The following FLNC variants were observed in gnomAD, a reference collection of about 807,000 sequenced individuals.
The protein encoded by FLNC is filamin-C.
Under a neutral mutation model 254.3 loss-of-function variants are expected in FLNC, and 91 were observed. That is an observed-to-expected ratio of 0.36 (90% CI 0.30 to 0.43). FLNC has a LOEUF of 0.43. Ranked by LOEUF, FLNC falls within the 20% of genes least tolerant of loss-of-function variation. The probability of loss-of-function intolerance (pLI) is 1.00; values close to 1 mark genes in which losing one functional copy is unlikely to be tolerated. For missense variants in FLNC, 2,853 were observed against 3,802.6 expected (o/e 0.75, Z 6.57); for synonymous variants, 1,430 against 1,577.2 (o/e 0.91, Z 2.21).
At chr7:128,849,607 A>T (rs1383500174) in intron 30 of FLNC, 29 bp downstream of exon 30, 1 of 1,610,048 alleles carries the variant, frequency 6.2e-7, no homozygotes, top group Non-Finnish European at 8.5e-7. Flanking sequence ...GCAAGACTAG[A>T]TGGCTGGGGA....
rs1443356970 is a variant in FLNC at position 128,841,668 on chromosome 7, G to A, written c.2121+101G>A. Reference sequence around the variant, plus strand: ...AGAGGCCTCCCAGCAGGAAATGACAGCATCACAGAAGATCAGGCAGGACTG... The same window carrying A: ...AGAGGCCTCCCAGCAGGAAATGACAACATCACAGAAGATCAGGCAGGACTG... On this transcript the variant is annotated intron_variant, in intron 13 of 47. Transcript: ENST00000325888. This position sits in a 1 kb window ranked among gnomAD's most constrained non-coding sequence, Gnocchi z 4.3. 2.3e-6 allele frequency: 2 copies of A among 862,476 alleles called. No homozygotes were observed. The highest frequency in any genetic ancestry group is 3.3e-5 in the African/African-American group (2 of 60,508). The allele number at this position is 862,476 out of a possible 1,614,324, so 53.4% of individuals were successfully genotyped here. A position where few individuals can be genotyped will look rare whatever the true frequency, so the allele number is the denominator to read the frequency against.
At chr7:128,833,981 C>T (rs563067762) in intron 1 of FLNC, among the ~76,000 whole-genome samples, 30 of 152,234 alleles carry the variant, frequency 2.0e-4, no homozygotes, top group Middle Eastern at 3.4e-3. Flanking sequence ...GCACCCCTCC[C>T]GGGGCAGGTG....
Position 128,852,868 on chromosome 7 carries a change from G to A in FLNC, c.6045G>A (p.Val2015=). 5 of 1,613,858 alleles carry A rather than the reference G, an allele frequency of 3.1e-6. No individual in the cohort carries two copies. Among genetic ancestry groups the A allele is most frequent in the Middle Eastern group, 1.6e-4 (1 of 6,062 alleles). ...CCAAGGAGGTCGGGGAGCACGTGGT[G>A]AGCGTGCGCAAGAGTGGCAAGCATG... ...FTPKEVGEHV[V]SVRKSGKHVT... is the part of the protein sequence containing the mutation. The change falls in exon 37 of 48, where the codon GTG becomes GTA. Residue 2015 remains valine (V), a synonymous_variant. Transcript: ENST00000325888.
In FLNC at chr7:128,849,195, C is replaced by A; in HGVS notation, c.4942C>A (p.His1648Asn). The A allele has an allele frequency of 6.2e-7, 1 of 1,613,996 alleles. No individual in the cohort carries two copies. The highest frequency in any genetic ancestry group is 2.2e-5 in the East Asian group (1 of 44,880). Residue 1648 changes from histidine (H) to asparagine (N), a missense_variant, in exon 29 of 48, where the codon CAT (histidine) becomes AAT (asparagine). Around this residue, in one of 10 missense-constraint regions of FLNC, gnomAD observed 258 missense variants for 312.3 expected, o/e 0.83. Transcript: ENST00000325888. ...KCLVTVSIGG[H>N]GLGACLGPRI... ...TCTCTTTCCAGTGTCCATTGGAGGC[C>A]ATGGCCTGGGTGAGTGCCCTTTCTC...
chr7:128,844,233 T>C lies in FLNC; in HGVS notation c.3159T>C (p.Ala1053=). Residue 1053 remains alanine, a synonymous_variant, in exon 20 of 48, where the codon GCT becomes GCC. Coordinates refer to ENST00000325888, the MANE Select transcript of FLNC (RefSeq NM_001458.5). ...ACCCGGTGCCTGGCAGCCCGTTTGC[T>C]GTGGAGGGTGTCCTGCCCCCTGATC... ...DGHPVPGSPF[A]VEGVLPPDPS... is the part of the protein sequence containing the mutation. 1 of 1,610,792 alleles carries C rather than the reference T, an allele frequency of 6.2e-7. No individual in the cohort carries two copies. The highest frequency in any genetic ancestry group is 8.5e-7 in the Non-Finnish European group (1 of 1,178,062).
chr7:128,837,950 C>A lies in FLNC; in HGVS notation c.970-37C>A, dbSNP rs775198693. The A allele has an allele frequency of 1.3e-5, 20 of 1,571,166 alleles. No individual in the cohort carries two copies. In the East Asian group the frequency reaches 4.5e-4, roughly 35 times the overall value. On this transcript the variant is annotated intron_variant, in intron 5 of 47. Coordinates refer to ENST00000325888, the MANE Select transcript of FLNC (RefSeq NM_001458.5). Reference sequence around the variant, plus strand: ...CTGTGGGGTCAGGAGGGGCTATGGTCATTGGAGAGGCTTCCAATCTTTTTC... The same window carrying A: ...CTGTGGGGTCAGGAGGGGCTATGGTAATTGGAGAGGCTTCCAATCTTTTTC...
rs540306516 is a variant in FLNC at position 128,830,431 on chromosome 7, C to A, written c.-207C>A. The A allele has an allele frequency of 1.7e-6, 1 of 597,608 alleles. No individual in the cohort carries two copies. The highest frequency in any genetic ancestry group is 1.9e-5 in the African/African-American group (1 of 52,456). The allele number at this position is 597,608 out of a possible 1,614,324, so 37.0% of individuals were successfully genotyped here. ...GCCCTTCCCGAGCACCGCTCCGGCC[C>A]TGGAGGGAGAGAGAGCCAGAGAGCG... On this transcript the variant is annotated 5_prime_UTR_variant, in exon 1 of 48. The change creates a new upstream start codon in the 5' untranslated region. Transcript: ENST00000325888.
intron 32 of FLNC, 126 bp downstream of exon 32, chr7:128,850,609 A>G (rs1157077627): frequency 8.4e-7 from 1 of 1,193,896 alleles, no homozygotes; most frequent in Non-Finnish European, 1.2e-6. Flanking sequence ...AGGGTCACAC[A>G]GCAAGTTGGG....
chr7:128,851,041 C>A (rs912093153), intron 33 of FLNC, 98 bp downstream of exon 33: 1 of 1,540,674 alleles, frequency 6.5e-7, no homozygotes, highest in African/African-American at 1.4e-5. Context: ...TATTGAGCAC[C>A]CGCTGTGTGC....
Position 128,830,423 on chromosome 7 carries a change from C to G in FLNC, c.-215C>G, listed in dbSNP as rs1426372641. 6.8e-6 allele frequency: 4 copies of G among 584,362 alleles called. No homozygotes were observed. The highest frequency in any genetic ancestry group is 3.9e-5 in the African/African-American group (2 of 51,120). 36.2% of individuals were successfully genotyped at this position (584,362 alleles called of 1,614,324 possible). A position where few individuals can be genotyped will look rare whatever the true frequency, so the allele number is the denominator to read the frequency against. On this transcript the variant is annotated 5_prime_UTR_variant, in exon 1 of 48. Transcript: ENST00000325888. The stretch of plus-strand genomic sequence containing the variant: ...CCCAGCCCGCCCTTCCCGAGCACCG[C>G]TCCGGCCCTGGAGGGAGAGAGAGCC...
At position 128,842,969 on chromosome 7, in the gene FLNC, G is replaced by T. The variant is rs1394430886; in HGVS notation, c.2550+15G>T. On this transcript the variant is annotated intron_variant, in intron 16 of 47. Transcript: ENST00000325888. This position sits in a 1 kb window ranked among gnomAD's most constrained non-coding sequence, Gnocchi z 5.4. The stretch of plus-strand genomic sequence containing the variant: ...TTGCCAACCAGGTACCTAAGCTCCT[G>T]GGTACTCACAGCGACATGCACCTGC... The T allele has an allele frequency of 6.2e-7, 1 of 1,613,552 alleles. No homozygotes were observed.
rs770015823 is a variant in FLNC, at chr7:128,845,200, G to A, written c.3735G>A (p.Gln1245=). 1.2e-6 allele frequency: 2 copies of A among 1,613,934 alleles called. No individual in the cohort carries two copies. Among genetic ancestry groups the A allele is most frequent in the Non-Finnish European group, 1.7e-6 (2 of 1,180,042 alleles). ...AATTCCCCACCCGTGTCCATGTGCA[G>A]CCTGCGGTCGATACCAGTGGCGTCA... is the stretch of plus-strand genomic sequence containing the variant. The part of the protein sequence containing the change: ...VPKFPTRVHV[Q]PAVDTSGVKV... Residue 1245 remains glutamine, a synonymous_variant, in exon 21 of 48, where the codon CAG becomes CAA. Transcript: ENST00000325888.
Position 128,850,007 on chromosome 7 carries a change from C to T in FLNC, c.5231C>T (p.Pro1744Leu), listed in dbSNP as rs1808737157. ...ACDPLPHEEE[P>L]SEVPQLRQPY... ...GACCCCCTGCCGCACGAGGAGGAGC[C>T]CTCTGAAGTGCCACAGCTGCGCCAG... is the stretch of plus-strand genomic sequence containing the variant. The change falls in exon 31 of 48, where the codon CCC becomes CTC. Residue 1744 changes from proline (P) to leucine (L), a missense_variant. Pro to Leu is a moderately conservative substitution (Grantham distance 98, BLOSUM62 -3). Coordinates refer to ENST00000325888, the MANE Select transcript of FLNC (RefSeq NM_001458.5). 6.3e-7 allele frequency: 1 copy of T among 1,580,522 alleles called. No individual in the cohort carries two copies. Among genetic ancestry groups the T allele is most frequent in the Non-Finnish European group, 8.6e-7 (1 of 1,169,056 alleles).
rs777290470 is a variant in FLNC at position 128,849,967 on chromosome 7, C to T, written c.5200-9C>T. The T allele has an allele frequency of 5.1e-6, 8 of 1,580,092 alleles. No homozygotes were observed. In the Admixed American group the frequency reaches 1.4e-4, roughly 27 times the overall value. ...CCACACCCTGTGCCCCCGTGCCTTG[C>T]CTCCCCAGGCGTGTGACCCCCTGCC... On this transcript the variant is annotated splice_polypyrimidine_tract_variant and intron_variant, in intron 30 of 47. Transcript: ENST00000325888.
In FLNC at chr7:128,836,223, C is replaced by T. The variant is rs1301976501; in HGVS notation, c.601+649C>T. ...CACTGGCTAGAGCGTACCCCATGGA[C>T]AGCTCCCTTTCTGCCCCTCATCTCC... On this transcript the variant is annotated intron_variant, in intron 2 of 47. Transcript: ENST00000325888. The surrounding 1 kb of genome is among the most constrained non-coding windows in gnomAD (Gnocchi z 6.0). 6.6e-6 allele frequency among the ~76,000 whole-genome samples: 1 copy of T among 152,228 alleles called. No individual in the cohort carries two copies. The highest frequency in any genetic ancestry group is 1.5e-5 in the Non-Finnish European group (1 of 68,038).
chr7:128,858,361 G>A lies in FLNC; in HGVS notation c.8016G>A (p.Val2672=), dbSNP rs1283611977. ...GCACCAACATGATGATGGTGGGCGT[G>A]CACGGCCCCAAGACCCCCTGTGAGG... ...KAGTNMMMVG[V]HGPKTPCEEV... Residue 2672 remains valine (V), a synonymous_variant, in exon 48 of 48, where the codon GTG becomes GTA. Transcript: ENST00000325888. The surrounding 1 kb of genome is among the most constrained non-coding windows in gnomAD (Gnocchi z 6.7). 3.2e-6 allele frequency: 5 copies of A among 1,570,186 alleles called. No homozygotes were observed. The highest frequency in any genetic ancestry group is 2.2e-5 in the South Asian group (2 of 89,466).
chr7:128,838,799 G>A lies in FLNC; in HGVS notation c.1407G>A (p.Ser469=), dbSNP rs766168758. Residue 469 remains serine, a synonymous_variant, in exon 8 of 48, where the codon TCG becomes TCA. Coordinates refer to ENST00000325888, the MANE Select transcript of FLNC (RefSeq NM_001458.5). ...GCAGTCCCTTCCCTGTCCATGTGTCGGAAGGTAAGGGCCCTTCACTGCTCC... is the reference window on the plus strand; with the variant it reads ...GCAGTCCCTTCCCTGTCCATGTGTCAGAAGGTAAGGGCCCTTCACTGCTCC... ...ITRSPFPVHV[S]EACNPNACRA... 7.4e-6 allele frequency: 12 copies of A among 1,612,520 alleles called. No homozygotes were observed. Among genetic ancestry groups the A allele is most frequent in the Admixed American group, 1.7e-5 (1 of 59,998 alleles).
At position 128,845,060 on chromosome 7, in the gene FLNC, A is replaced by G. The variant is rs753260970; in HGVS notation, c.3595A>G (p.Lys1199Glu). 7 of 1,613,664 alleles carry G rather than the reference A, an allele frequency of 4.3e-6. No individual in the cohort carries two copies. The highest frequency in any genetic ancestry group is 1.3e-5 in the African/African-American group (1 of 74,902). The part of the protein sequence containing the change: ...TIEILSDAGV[K>E]AEVLIHNNAD... ...TGAGATCCTGTCGGATGCCGGGGTC[A>G]AGGCCGAGGTGCTGATCCACAACAA... is the stretch of plus-strand genomic sequence containing the variant. Residue 1199 changes from lysine to glutamate, a missense_variant, in exon 21 of 48, where the codon AAG becomes GAG. Transcript: ENST00000325888.
chr7:128,835,014 C>G lies in FLNC; in HGVS notation c.353-312C>G, dbSNP rs1408742889. Among the ~76,000 whole-genome samples, 1 of 152,206 alleles carries G rather than the reference C, an allele frequency of 6.6e-6. No individual in the cohort carries two copies. The highest frequency in any genetic ancestry group is 6.5e-5 in the Admixed American group (1 of 15,280). ...AAACAAAAAGGCTCTGCCCTGGGAG[C>G]CTTACAATCCCACAAGGCCAGAAAG... is the stretch of plus-strand genomic sequence containing the variant. On this transcript the variant is annotated intron_variant, in intron 1 of 47. Transcript: ENST00000325888. This position sits in a 1 kb window ranked among gnomAD's most constrained non-coding sequence, Gnocchi z 5.3.
Sources: gnomAD v4.1 joint callset for allele counts (sites outside exome capture counted in the v4.1 genomes callset) on GRCh38, gnomAD v4.1.1 for gene constraint, gnomAD v4.1.1 regional missense constraint, Gnocchi (gnomAD v3.1) non-coding constraint, MANE v1.5 for transcripts, NCBI Gene and HGNC (gene_info 2026-07-23, HGNC 2026-07-21) for gene names.